Variants in PCSK5 observed in about 807,000 individuals in gnomAD.
PCSK5 encodes the protein proprotein convertase subtilisin/kexin type 5.
In PCSK5, 129 loss-of-function variants were observed where a neutral mutation model predicts 233.2. The ratio of observed to expected loss-of-function variants is 0.55; its 90% CI spans 0.48 to 0.64. The LOEUF (loss-of-function observed/expected upper bound fraction) is 0.64, where lower values mean the gene tolerates loss of function less well. PCSK5 is among the 30% of genes least tolerant of loss of function. The pLI is 0.00. For synonymous variants in PCSK5, 825 were observed against 879.2 expected (o/e 0.94, Z 1.09); for missense variants, 2,076 against 2,430.1 (o/e 0.85, Z 3.06).
At chr9:76,068,141 G>C in intron 6 of PCSK5, 98 bp downstream of exon 6, 1 of 811,240 alleles carries the variant, frequency 1.2e-6, no homozygotes, top group Non-Finnish European at 2.1e-6. Flanking sequence ...TAAACGATTG[G>C]GCATATCTCT....
At position 76,144,790 on chromosome 9, in the gene PCSK5, C is replaced by G. The variant is rs1184023053; in HGVS notation, c.1312+10578C>G. ...GTCTTGATACCCACAGAACCTGTTTCTTCATTGGCAAAATAACTCAGTGTT... is the reference window on the plus strand; with the variant it reads ...GTCTTGATACCCACAGAACCTGTTTGTTCATTGGCAAAATAACTCAGTGTT... On this transcript the variant is annotated intron_variant, in intron 10 of 37. Transcript: ENST00000674117. Among the ~76,000 whole-genome samples, 6 of 152,182 alleles carry G rather than the reference C, an allele frequency of 3.9e-5. 1 individual carries two copies. The highest frequency in any genetic ancestry group is 3.9e-4 in the Admixed American group (6 of 15,272).
chr9:76,092,866 T>C (rs994944392), intron 7 of PCSK5, among the ~76,000 whole-genome samples: 3 of 152,178 alleles, frequency 2.0e-5, no homozygotes, highest in African/African-American at 7.2e-5. Context: ...CTCTTAACAA[T>C]TGACTCTTTG....
chr9:76,214,322 A>G (rs1825443741), intron 20 of PCSK5, among the ~76,000 whole-genome samples: 1 of 151,978 alleles, frequency 6.6e-6, no homozygotes, highest in Non-Finnish European at 1.5e-5. Context: ...ACACACACAC[A>G]CATATGTGTG....
intron 22 of PCSK5, 32 bp downstream of exon 22, chr9:76,233,628 C>T: frequency 1.3e-6 from 2 of 1,593,156 alleles, no homozygotes; most frequent in Non-Finnish European, 1.7e-6. Flanking sequence ...GTCTTCTGCA[C>T]CCCAAACCTG....
intron 24 of PCSK5, among the ~76,000 whole-genome samples, chr9:76,260,086 C>T (rs1364828442): frequency 6.6e-6 from 1 of 152,210 alleles, no homozygotes; most frequent in East Asian, 1.9e-4. Flanking sequence ...AATCTCCCAG[C>T]TTAGATAAAT....
chr9:76,143,602 T>C (rs1564058608), intron 10 of PCSK5, among the ~76,000 whole-genome samples: 2 of 152,172 alleles, frequency 1.3e-5, no homozygotes, highest in South Asian at 4.1e-4. Context: ...ATTATCTTAG[T>C]ATGCAATTAT....
At chr9:76,201,016 C>T (rs1438613519) in intron 20 of PCSK5, among the ~76,000 whole-genome samples, 1 of 152,196 alleles carries the variant, frequency 6.6e-6, no homozygotes, top group Admixed American at 6.5e-5. Flanking sequence ...AGTCCCCAGG[C>T]ACTGATGGCT....
intron 3 of PCSK5, among the ~76,000 whole-genome samples, chr9:76,001,285 C>A (rs928086326): frequency 6.6e-6 from 1 of 151,922 alleles, no homozygotes; most frequent in Non-Finnish European, 1.5e-5. Flanking sequence ...AAAAATGTAT[C>A]CCACACATGT....
In PCSK5 at chr9:76,121,972, C is replaced by T. The variant is rs1229768284; in HGVS notation, c.1209-12137C>T. Reference sequence around the variant, plus strand: ...CCAAGTAGCAGGGACTACAGGCGCCCGCCACTACGCCCGGCTAATTTTTTG... The same window carrying T: ...CCAAGTAGCAGGGACTACAGGCGCCTGCCACTACGCCCGGCTAATTTTTTG... On this transcript the variant is annotated intron_variant, in intron 9 of 37. Transcript: ENST00000674117. Among the ~76,000 whole-genome samples the T allele has an allele frequency of 2.9e-5, 3 of 105,164 alleles. 1 individual carries two copies. Among genetic ancestry groups the T allele is most frequent in the Admixed American group, 2.1e-4 (2 of 9,598 alleles). 69.0% of individuals were successfully genotyped at this position (105,164 alleles called of 152,430 possible). A position where few individuals can be genotyped will look rare whatever the true frequency, so the allele number is the denominator to read the frequency against.
chr9:76,197,603 A>G (rs1809865276), intron 20 of PCSK5, among the ~76,000 whole-genome samples: 2 of 152,216 alleles, frequency 1.3e-5, no homozygotes, highest in African/African-American at 4.8e-5. Flanking sequence ...CCATATTATC[A>G]TTCAGCCTTG....
chr9:76,192,557 C>CAGAG (rs1824448251), intron 20 of PCSK5, among the ~76,000 whole-genome samples: 1 of 152,160 alleles, frequency 6.6e-6, no homozygotes, highest in Admixed American at 6.5e-5. Context: ...GAGTTGGATG[C>CAGAG]AGAGACATCT....
intron 1 of PCSK5, among the ~76,000 whole-genome samples, chr9:75,899,895 G>A (rs1825951805): frequency 1.3e-5 from 2 of 152,204 alleles, no homozygotes; most frequent in African/African-American, 2.4e-5. Flanking sequence ...AGAGCCACCA[G>A]AAGAAAGGGT....
chr9:76,199,388 T>C (rs1199264519), intron 20 of PCSK5, among the ~76,000 whole-genome samples: 2 of 152,244 alleles, frequency 1.3e-5, no homozygotes, highest in African/African-American at 4.8e-5. Context: ...CAGTCTGTTA[T>C]TGACCAAAAC....
At chr9:76,105,131 A>T (rs538144000) in intron 8 of PCSK5, among the ~76,000 whole-genome samples, 1 of 152,358 alleles carries the variant, frequency 6.6e-6, no homozygotes, top group East Asian at 1.9e-4. Context: ...GAGAGGTAGA[A>T]GCAACCCATG....
intron 13 of PCSK5, among the ~76,000 whole-genome samples, chr9:76,171,826 A>G (rs1235696117): frequency 6.6e-6 from 1 of 152,080 alleles, no homozygotes; most frequent in African/African-American, 2.4e-5. Flanking sequence ...TGGCCTGGAG[A>G]CTTTAATAGA....
At chr9:76,222,325 T>A (rs1032726247) in intron 20 of PCSK5, among the ~76,000 whole-genome samples, 3 of 146,936 alleles carry the variant, frequency 2.0e-5, no homozygotes, top group African/African-American at 7.3e-5. Flanking sequence ...TGTGTAGATA[T>A]TTTTTTAAAA....
At chr9:76,021,230 A>G (rs1045564508) in intron 3 of PCSK5, among the ~76,000 whole-genome samples, 17 of 152,168 alleles carry the variant, frequency 1.1e-4, no homozygotes, top group Non-Finnish European at 2.1e-4. Flanking sequence ...GCTTACAGTC[A>G]GGGAGACAAA....
intron 5 of PCSK5, among the ~76,000 whole-genome samples, chr9:76,066,052 C>T (rs986245900): frequency 6.6e-6 from 1 of 151,974 alleles, no homozygotes; most frequent in Admixed American, 6.5e-5. Flanking sequence ...GGTTTCTACA[C>T]CTTTTAGTAT....
chr9:75,974,590 T>G (rs1469360356), intron 2 of PCSK5, among the ~76,000 whole-genome samples: 1 of 152,164 alleles, frequency 6.6e-6, no homozygotes, highest in Non-Finnish European at 1.5e-5. Flanking sequence ...GCTGCCACAA[T>G]TCCAGTGTTT....
Sources: gnomAD v4.1 joint callset for allele counts (sites outside exome capture counted in the v4.1 genomes callset) on GRCh38, gnomAD v4.1.1 for gene constraint, MANE v1.5 for transcripts, NCBI Gene and HGNC (gene_info 2026-07-23, HGNC 2026-07-21) for gene names.